FBXO8: variants seen among roughly 807,000 people sequenced by gnomAD.
The protein encoded by FBXO8 is F-box only protein 8.
A neutral mutation model predicts 33.4 loss-of-function variants in FBXO8; 15 were observed. The observed-to-expected ratio is 0.45, with a 90% CI of 0.30 to 0.69. The LOEUF (loss-of-function observed/expected upper bound fraction) is 0.69, where lower values mean the gene tolerates loss of function less well. Ranked by LOEUF, FBXO8 falls within the 30% of genes least tolerant of loss-of-function variation. FBXO8 has a pLI of 0.08. For missense variants in FBXO8, 274 were observed against 380.3 expected, an observed-to-expected ratio of 0.72 and a Z score of 2.32; for synonymous variants, 132 against 131.5, an observed-to-expected ratio of 1.00 and a Z score of -0.02.
In FBXO8 at chr4:174,265,231, CCTAA is replaced by C. The variant is rs1736666820; in HGVS notation, c.-8-2135_-8-2132del. Among the ~76,000 whole-genome samples, 1 of 151,396 alleles carries C rather than the reference CCTAA, an allele frequency of 6.6e-6. No homozygotes were observed. The highest frequency in any genetic ancestry group is 2.4e-5 in the African/African-American group (1 of 41,174). The stretch of plus-strand genomic sequence containing the variant: ...GATTCAGCATTAGCTGAATCATTTA[CCTAA>C]ATAAAAGCTTTTTATTTAGGTATTT... On this transcript the variant is annotated intron_variant, in intron 1 of 5. Transcript: ENST00000393674. This position sits in a 1 kb window ranked among gnomAD's most constrained non-coding sequence, Gnocchi z 4.7.
At position 174,253,038 on chromosome 4, in the gene FBXO8, T is replaced by C. The variant is rs960014332; in HGVS notation, c.456+6661A>G. 3.3e-5 allele frequency among the ~76,000 whole-genome samples: 5 copies of C among 152,040 alleles called. No individual in the cohort carries two copies. The highest frequency in any genetic ancestry group is 5.9e-5 in the Non-Finnish European group (4 of 68,006). ...TTTTCCAACCTCATGAGTCAAGAGATAGATTACACGGATGCCATAAAAGCA... is the reference window on the plus strand; with the variant it reads ...TTTTCCAACCTCATGAGTCAAGAGACAGATTACACGGATGCCATAAAAGCA... On this transcript the variant is annotated intron_variant, in intron 3 of 5. Transcript: ENST00000393674. The surrounding 1 kb of genome is among the most constrained non-coding windows in gnomAD (Gnocchi z 4.5).
In FBXO8 at chr4:174,281,402, C is replaced by T. The variant is rs1158036023; in HGVS notation, c.-9+2008G>A. On this transcript the variant is annotated intron_variant, in intron 1 of 5. Transcript: ENST00000393674. The surrounding 1 kb of genome is among the most constrained non-coding windows in gnomAD (Gnocchi z 4.6). ...CCACAAATATTTTTATCTTATATTG[C>T]TATAAAGTACTTGCACCAGCACAGT... is the stretch of plus-strand genomic sequence containing the variant. Among the ~76,000 whole-genome samples, 1 of 152,154 alleles carries T rather than the reference C, an allele frequency of 6.6e-6. No individual in the cohort carries two copies. Among genetic ancestry groups the T allele is most frequent in the African/African-American group, 2.4e-5 (1 of 41,424 alleles).
In FBXO8 at chr4:174,262,769, C is replaced by A; in HGVS notation, c.324G>T (p.Trp108Cys). 6.2e-7 allele frequency: 1 copy of A among 1,613,016 alleles called. No homozygotes were observed. The highest frequency in any genetic ancestry group is 8.5e-7 in the Non-Finnish European group (1 of 1,179,232). ...CTTTGGTGGGTTTAACTTACCCTTG[C>A]CAGAGAAGTTCATCATTCGCAAGGT... The part of the protein sequence containing the change: ...WQDLANDELL[W>C]QGLCKSTWGH... The change falls in exon 2 of 6, where the codon TGG (tryptophan) becomes TGT (cysteine). Residue 108 changes from tryptophan (W) to cysteine (C), a missense_variant. Transcript: ENST00000393674. The surrounding 1 kb of genome is among the most constrained non-coding windows in gnomAD (Gnocchi z 4.6).
rs1289367666 is a variant in FBXO8 at position 174,252,725 on chromosome 4, A to T, written c.456+6974T>A. Among the ~76,000 whole-genome samples, 2 of 152,062 alleles carry T rather than the reference A, an allele frequency of 1.3e-5. No individual in the cohort carries two copies. Among genetic ancestry groups the T allele is most frequent in the Non-Finnish European group, 2.9e-5 (2 of 67,996 alleles). ...TGTCTCTTTTTTAAACCTAAAAAAT[A>T]GGCTAGGTATGATGACTCATTCCTG... On this transcript the variant is annotated intron_variant, in intron 3 of 5. Coordinates refer to ENST00000393674, the MANE Select transcript of FBXO8 (RefSeq NM_012180.3). This position sits in a 1 kb window ranked among gnomAD's most constrained non-coding sequence, Gnocchi z 5.1.
At chr4:174,260,958 C>A (rs999796740) in intron 2 of FBXO8, among the ~76,000 whole-genome samples, 2 of 151,788 alleles carry the variant, frequency 1.3e-5, no homozygotes, top group Non-Finnish European at 2.9e-5. Context: ...ACACAAAGTG[C>A]AGAGCAACAA....
chr4:174,238,806 C>T (rs1735954303), intron 5 of FBXO8, among the ~76,000 whole-genome samples, 188 bp downstream of exon 5: 1 of 149,398 alleles, frequency 6.7e-6, no homozygotes, highest in Non-Finnish European at 1.5e-5. Flanking sequence ...CACACCATAG[C>T]TATGACAAAC....
chr4:174,256,875 T>C lies in FBXO8; in HGVS notation c.456+2824A>G, dbSNP rs1229633739. On this transcript the variant is annotated intron_variant, in intron 3 of 5. Transcript: ENST00000393674. This position sits in a 1 kb window ranked among gnomAD's most constrained non-coding sequence, Gnocchi z 4.6. ...CTTTTAGAATGATAAATTCAGTGCC[T>C]CTGGAATGTTCCAGAGTATCTTTAA... Among the ~76,000 whole-genome samples, 2 of 151,836 alleles carry C rather than the reference T, an allele frequency of 1.3e-5. No individual in the cohort carries two copies. Among genetic ancestry groups the C allele is most frequent in the African/African-American group, 4.8e-5 (2 of 41,324 alleles).
In FBXO8 at chr4:174,278,632, G is replaced by A. The variant is rs919197770; in HGVS notation, c.-9+4778C>T. 4.6e-5 allele frequency among the ~76,000 whole-genome samples: 7 copies of A among 151,948 alleles called. No individual in the cohort carries two copies. The highest frequency in any genetic ancestry group is 2.6e-4 in the Admixed American group (4 of 15,246). On this transcript the variant is annotated intron_variant, in intron 1 of 5. Coordinates refer to ENST00000393674, the MANE Select transcript of FBXO8 (RefSeq NM_012180.3). The surrounding 1 kb of genome is among the most constrained non-coding windows in gnomAD (Gnocchi z 4.1). Reference sequence around the variant, plus strand: ...TTAATTGTATCACTATTTACTTAAAGTGGCTGTAATCAGCTGTAGTCATGG... The same window carrying A: ...TTAATTGTATCACTATTTACTTAAAATGGCTGTAATCAGCTGTAGTCATGG...
At chr4:174,271,086 C>T (rs1736828141) in intron 1 of FBXO8, among the ~76,000 whole-genome samples, 1 of 152,054 alleles carries the variant, frequency 6.6e-6, no homozygotes, top group Non-Finnish European at 1.5e-5. Flanking sequence ...ATATATTTAT[C>T]ACCTCTCTCT....
Position 174,241,001 on chromosome 4 carries a change from C to A in FBXO8, c.575+99G>T. ...TCCCTGTCTTTATTCAATTTTGCAACCAGATGATTACTATGCAGTATTAGT... is the reference window on the plus strand; with the variant it reads ...TCCCTGTCTTTATTCAATTTTGCAAACAGATGATTACTATGCAGTATTAGT... On this transcript the variant is annotated intron_variant, in intron 4 of 5. Transcript: ENST00000393674. The surrounding 1 kb of genome is among the most constrained non-coding windows in gnomAD (Gnocchi z 4.2). The A allele has an allele frequency of 1.7e-6, 1 of 581,698 alleles. No individual in the cohort carries two copies. Among genetic ancestry groups the A allele is most frequent in the Non-Finnish European group, 2.9e-6 (1 of 344,800 alleles). The allele number at this position is 581,698 out of a possible 1,614,324, so 36.0% of individuals were successfully genotyped here.
intron 4 of FBXO8, among the ~76,000 whole-genome samples, chr4:174,239,942 A>G (rs1006530016): frequency 2.6e-5 from 4 of 151,722 alleles, no homozygotes; most frequent in African/African-American, 9.7e-5. Flanking sequence ...ACTTCTACCA[A>G]TTGCATATAA....
chr4:174,244,409 T>TTTG (rs770913375), intron 3 of FBXO8, among the ~76,000 whole-genome samples: 3 of 151,472 alleles, frequency 2.0e-5, no homozygotes, highest in East Asian at 1.9e-4. Context: ...TTGATTCAAT[T>TTTG]TTGTTGTTGT....
At position 174,241,856 on chromosome 4, in the gene FBXO8, T is replaced by C. The variant is rs1736048146; in HGVS notation, c.457-638A>G. ...GTAAGACAAAACAATTCAATGTTTT[T>C]CATAGAATTTATCTTTGAATTTCCT... On this transcript the variant is annotated intron_variant, in intron 3 of 5. Transcript: ENST00000393674. This position sits in a 1 kb window ranked among gnomAD's most constrained non-coding sequence, Gnocchi z 4.2. Among the ~76,000 whole-genome samples, 1 of 151,504 alleles carries C rather than the reference T, an allele frequency of 6.6e-6. No individual in the cohort carries two copies. The highest frequency in any genetic ancestry group is 1.5e-5 in the Non-Finnish European group (1 of 67,568).
chr4:174,239,181 G>C lies in FBXO8; in HGVS notation c.585C>G (p.Val195=), dbSNP rs962170579. ...LRIYLDERRD[V]LDDLVTLHNF... Reference sequence around the variant, plus strand: ...TATGCAATGTTACAAGGTCATCCAAGACATCTCTCCTACAGAAAGAAAAAA... The same window carrying C: ...TATGCAATGTTACAAGGTCATCCAACACATCTCTCCTACAGAAAGAAAAAA... Residue 195 remains valine (V), a synonymous_variant, in exon 5 of 6, where the codon GTC becomes GTG. Coordinates refer to ENST00000393674, the MANE Select transcript of FBXO8 (RefSeq NM_012180.3). 6.4e-7 allele frequency: 1 copy of C among 1,566,100 alleles called. No individual in the cohort carries two copies. Among genetic ancestry groups the C allele is most frequent in the Non-Finnish European group, 8.7e-7 (1 of 1,153,980 alleles).
chr4:174,246,052 G>T (rs1736150877), intron 3 of FBXO8, among the ~76,000 whole-genome samples: 1 of 151,952 alleles, frequency 6.6e-6, no homozygotes, highest in South Asian at 2.1e-4. Flanking sequence ...TTTTAAAAGT[G>T]AGGGTTGAAG....
chr4:174,242,382 T>A (rs998440294), intron 3 of FBXO8, among the ~76,000 whole-genome samples: 8 of 151,564 alleles, frequency 5.3e-5, no homozygotes, highest in African/African-American at 1.7e-4. Context: ...AGTAATTAGG[T>A]ACCACGAGGT....
rs1055223209 is a variant in FBXO8 at position 174,259,465 on chromosome 4, A to G, written c.456+234T>C. ...ATCAGGTCAGTAGAGGACTGAATAT[A>G]TATCATGGATGCTGCTACATAAAGT... On this transcript the variant is annotated intron_variant, in intron 3 of 5. Transcript: ENST00000393674. The surrounding 1 kb of genome is among the most constrained non-coding windows in gnomAD (Gnocchi z 4.3). 6.6e-6 allele frequency among the ~76,000 whole-genome samples: 1 copy of G among 152,126 alleles called. No homozygotes were observed. Among genetic ancestry groups the G allele is most frequent in the Non-Finnish European group, 1.5e-5 (1 of 67,962 alleles).
chr4:174,268,408 C>T (rs1047138983), intron 1 of FBXO8, among the ~76,000 whole-genome samples: 1 of 152,034 alleles, frequency 6.6e-6, no homozygotes, highest in Admixed American at 6.6e-5. Flanking sequence ...CTGCACTAGG[C>T]TTGGGGGCCA....
intron 1 of FBXO8, among the ~76,000 whole-genome samples, chr4:174,276,171 TA>T (rs1459839039): frequency 6.6e-6 from 1 of 152,196 alleles, no homozygotes; most frequent in East Asian, 1.9e-4. Flanking sequence ...TTGTTTCCAT[TA>T]AAATAACAAT....
Sources: gnomAD v4.1 joint callset for allele counts (sites outside exome capture counted in the v4.1 genomes callset) on GRCh38, gnomAD v4.1.1 for gene constraint, Gnocchi (gnomAD v3.1) non-coding constraint, MANE v1.5 for transcripts, NCBI Gene and HGNC (gene_info 2026-07-23, HGNC 2026-07-21) for gene names.